The following NCDN variants were observed in gnomAD, a reference collection of about 807,000 sequenced individuals.
NCDN encodes norbin.
In NCDN, 9 loss-of-function variants were observed where a neutral mutation model predicts 60.7. The observed-to-expected ratio is 0.15, with a 90% confidence interval of 0.09 to 0.26. The LOEUF (loss-of-function observed/expected upper bound fraction) is 0.26. Among genes scored for constraint, NCDN ranks in the 10% least tolerant of loss-of-function variants. The pLI, the probability that NCDN is intolerant of heterozygous loss-of-function variation, is 1.00. For synonymous variants in NCDN, 409 were observed against 442.5 expected, an observed-to-expected ratio of 0.92 and a Z score of 0.95; for missense variants, 578 against 975.2, an observed-to-expected ratio of 0.59 and a Z score of 5.42.
rs1488745940 is a variant in NCDN at position 35,565,456 on chromosome 1, C to T, written c.1983C>T (p.Ser661=). The change falls in exon 7 of 7, where the codon TCC becomes TCT. Residue 661 remains serine (S), a synonymous_variant. Transcript: ENST00000373243. This position sits in a 1 kb window ranked among gnomAD's most constrained non-coding sequence, Gnocchi z 8.9. ...GGCTGGCCCCCGCTGCCCTGCGCTC[C>T]CGCTGGCCGCAGGAGCTGCTCCAGC... ...LPWLAPAALR[S]RWPQELLQLL... is the part of the protein sequence containing the mutation. The T allele has an allele frequency of 1.2e-6, 2 of 1,609,410 alleles. No homozygotes were observed. Among genetic ancestry groups the T allele is most frequent in the Admixed American group, 1.7e-5 (1 of 59,278 alleles).
Position 35,563,564 on chromosome 1 carries a change from C to T in NCDN, c.1610+138C>T. The T allele has an allele frequency of 9.3e-7, 1 of 1,079,206 alleles. No individual in the cohort carries two copies. The highest frequency in any genetic ancestry group is 1.3e-6 in the Non-Finnish European group (1 of 746,146). 66.9% of individuals were successfully genotyped at this position (1,079,206 alleles called of 1,614,324 possible). A position where few individuals can be genotyped will look rare whatever the true frequency, so the allele number is the denominator to read the frequency against. On this transcript the variant is annotated intron_variant, in intron 5 of 6. Transcript: ENST00000373243. This position sits in a 1 kb window ranked among gnomAD's most constrained non-coding sequence, Gnocchi z 6.6. ...GGTAGCATGGGGGTCTCAGAGTAGA[C>T]ATAGCCAGCCCCGCACAAGGATTCG... is the stretch of plus-strand genomic sequence containing the variant.
chr1:35,560,916 T>A lies in NCDN; in HGVS notation c.765T>A (p.Pro255=), dbSNP rs754905733. Residue 255 remains proline (P), a synonymous_variant, in exon 3 of 7, where the codon CCT becomes CCA. Coordinates refer to ENST00000373243, the MANE Select transcript of NCDN (RefSeq NM_014284.3). The surrounding 1 kb of genome is among the most constrained non-coding windows in gnomAD (Gnocchi z 7.6). The part of the protein sequence containing the change: ...PLFLPPTTVP[P]ECYRDLQAGL... Reference sequence around the variant, plus strand: ...TTTTGCCCCCGACAACCGTGCCCCCTGAATGCTACCGGGATCTGCAGGCCG... The same window carrying A: ...TTTTGCCCCCGACAACCGTGCCCCCAGAATGCTACCGGGATCTGCAGGCCG... 3.1e-6 allele frequency: 5 copies of A among 1,614,108 alleles called. No individual in the cohort carries two copies. The highest frequency in any genetic ancestry group is 3.4e-6 in the Non-Finnish European group (4 of 1,179,992).
chr1:35,563,636 A>G lies in NCDN; in HGVS notation c.1611-131A>G. ...CTGTCTCAGCATGTCTGCTTGTTCC[A>G]ATCTCTGCCCCCCAGATGCTATGTT... On this transcript the variant is annotated intron_variant, in intron 5 of 6. Coordinates refer to ENST00000373243, the MANE Select transcript of NCDN (RefSeq NM_014284.3). The surrounding 1 kb of genome is among the most constrained non-coding windows in gnomAD (Gnocchi z 6.6). 1.7e-6 allele frequency: 2 copies of G among 1,191,992 alleles called. No homozygotes were observed. Among genetic ancestry groups the G allele is most frequent in the Non-Finnish European group, 2.4e-6 (2 of 838,084 alleles). The allele number at this position is 1,191,992 out of a possible 1,614,324, so 73.8% of individuals were successfully genotyped here. A position where few individuals can be genotyped will look rare whatever the true frequency, so the allele number is the denominator to read the frequency against.
chr1:35,559,021 T>G, intron 1 of NCDN, 86 bp from the exon 2 acceptor site: 4 of 786,278 alleles, frequency 5.1e-6, no homozygotes, highest in South Asian at 1.6e-5. Context: ...TGCTAATCCC[T>G]CCCTCCCTCC....
In NCDN at chr1:35,566,628, ACC is replaced by A. The variant is rs1648885195; in HGVS notation, c.*966_*967del. ...CTACCTTTCTTATAAACCCAGGGGG[ACC>A]ACACACACACACACACACACACACA... On this transcript the variant is annotated 3_prime_UTR_variant, in exon 7 of 7. Coordinates refer to ENST00000373243, the MANE Select transcript of NCDN (RefSeq NM_014284.3). This position sits in a 1 kb window ranked among gnomAD's most constrained non-coding sequence, Gnocchi z 5.3. 1.7e-5 allele frequency: 5 copies of A among 298,880 alleles called. No individual in the cohort carries two copies. The highest frequency in any genetic ancestry group is 6.6e-6 in the Non-Finnish European group (1 of 150,812). The allele number at this position is 298,880 out of a possible 1,614,324, so 18.5% of individuals were successfully genotyped here.
In NCDN at chr1:35,565,531, C is replaced by T; in HGVS notation, c.2058C>T (p.Ala686=). 1 of 1,570,602 alleles carries T rather than the reference C, an allele frequency of 6.4e-7. No individual in the cohort carries two copies. Among genetic ancestry groups the T allele is most frequent in the Non-Finnish European group, 8.6e-7 (1 of 1,158,368 alleles). Reference sequence around the variant, plus strand: ...CTGTCAAGCCCGAGATGGTGGCCGCCTATCAGGGTGTCCTGGTGGAGCTGG... The same window carrying T: ...CTGTCAAGCCCGAGATGGTGGCCGCTTATCAGGGTGTCCTGGTGGAGCTGG... ...PNSVKPEMVA[A]YQGVLVELAR... The change falls in exon 7 of 7, where the codon GCC becomes GCT. Residue 686 remains alanine (A), a synonymous_variant. Coordinates refer to ENST00000373243, the MANE Select transcript of NCDN (RefSeq NM_014284.3). The surrounding 1 kb of genome is among the most constrained non-coding windows in gnomAD (Gnocchi z 8.9).
At chr1:35,559,598 G>C (rs114062899) in intron 2 of NCDN, among the ~76,000 whole-genome samples, 2,394 of 152,240 alleles carry the variant, frequency 0.016, 58 homozygotes, top group African/African-American at 0.054. Flanking sequence ...GAGTAGCAGG[G>C]CTGGAAGTGG....
rs368706575 is a variant in NCDN, at chr1:35,565,878, G to A, written c.*215G>A. On this transcript the variant is annotated 3_prime_UTR_variant, in exon 7 of 7. Transcript: ENST00000373243. The surrounding 1 kb of genome is among the most constrained non-coding windows in gnomAD (Gnocchi z 8.9). The stretch of plus-strand genomic sequence containing the variant: ...TCAGGCCCCCATGGGGGCAGGGATC[G>A]GCTTGGAAATCAACGTGGTTGTCCC... The A allele has an allele frequency of 1.9e-5, 11 of 582,346 alleles. No homozygotes were observed. The highest frequency in any genetic ancestry group is 6.8e-5 in the Admixed American group (2 of 29,268). 36.1% of individuals were successfully genotyped at this position (582,346 alleles called of 1,614,324 possible). A position where few individuals can be genotyped will look rare whatever the true frequency, so the allele number is the denominator to read the frequency against.
intron 2 of NCDN, among the ~76,000 whole-genome samples, chr1:35,559,921 A>G (rs1433571536): frequency 6.6e-6 from 1 of 152,172 alleles, no homozygotes; most frequent in African/African-American, 2.4e-5. Context: ...ATTTCCCCTG[A>G]GAAGGTGGCA....
Position 35,563,154 on chromosome 1 carries a change from C to G in NCDN, c.1386-48C>G. 2.6e-6 allele frequency: 4 copies of G among 1,535,302 alleles called. No homozygotes were observed. Among genetic ancestry groups the G allele is most frequent in the Middle Eastern group, 1.7e-4 (1 of 5,742 alleles). On this transcript the variant is annotated intron_variant, in intron 4 of 6. Coordinates refer to ENST00000373243, the MANE Select transcript of NCDN (RefSeq NM_014284.3). The surrounding 1 kb of genome is among the most constrained non-coding windows in gnomAD (Gnocchi z 6.6). ...TGCCCTAAAAAGGGAATCTATGTGC[C>G]TTCATCTCTCCCAATCCCACACACG...
chr1:35,564,973 T>C (rs1648824924), intron 6 of NCDN, among the ~76,000 whole-genome samples: 1 of 152,124 alleles, frequency 6.6e-6, no homozygotes, highest in Admixed American at 6.5e-5. Context: ...TGTACCAAGA[T>C]GATCACATTT....
Position 35,565,666 on chromosome 1 carries a change from G to T in NCDN, c.*3G>T. ...AGCAGTGCCTGTCAGAGCCCTGAGG[G>T]GTGTCCACCGGGGACAGACCCAGGG... On this transcript the variant is annotated 3_prime_UTR_variant, in exon 7 of 7. Transcript: ENST00000373243. This position sits in a 1 kb window ranked among gnomAD's most constrained non-coding sequence, Gnocchi z 8.9. The T allele has an allele frequency of 6.5e-7, 1 of 1,545,036 alleles. No homozygotes were observed. The highest frequency in any genetic ancestry group is 1.2e-5 in the South Asian group (1 of 84,868).
In NCDN at chr1:35,560,497, A is replaced by T; in HGVS notation, c.346A>T (p.Ser116Cys). The change falls in exon 3 of 7, where the codon AGT becomes TGT. Residue 116 changes from serine to cysteine, a missense_variant. Around this residue, in one of 3 missense-constraint regions of NCDN, gnomAD observed 363 missense variants for 583.6 expected, o/e 0.62. Transcript: ENST00000373243. This position sits in a 1 kb window ranked among gnomAD's most constrained non-coding sequence, Gnocchi z 7.6. ...TGTGGCCCTGCTGGCCTGCTTCTGC[A>T]GTGACCCTGAACTGGCCGCCCATCC... is the stretch of plus-strand genomic sequence containing the variant. ...LGVALLACFCSDPELAAHPQV... is the reference protein window; with the variant it reads ...LGVALLACFCCDPELAAHPQV... The T allele has an allele frequency of 6.2e-7, 1 of 1,613,886 alleles. No homozygotes were observed. The highest frequency in any genetic ancestry group is 8.5e-7 in the Non-Finnish European group (1 of 1,180,006).
Position 35,562,749 on chromosome 1 carries a change from A to T in NCDN, c.1385+116A>T. 1 of 1,369,024 alleles carries T rather than the reference A, an allele frequency of 7.3e-7. No individual in the cohort carries two copies. The highest frequency in any genetic ancestry group is 9.7e-7 in the Non-Finnish European group (1 of 1,025,642). 84.8% of individuals were successfully genotyped at this position (1,369,024 alleles called of 1,614,324 possible). A position where few individuals can be genotyped will look rare whatever the true frequency, so the allele number is the denominator to read the frequency against. On this transcript the variant is annotated intron_variant, in intron 4 of 6. Coordinates refer to ENST00000373243, the MANE Select transcript of NCDN (RefSeq NM_014284.3). This position sits in a 1 kb window ranked among gnomAD's most constrained non-coding sequence, Gnocchi z 6.8. ...AGGCTTCCTGATTGGGCCATGAGAT[A>T]TCCCTTAGGGTTATTTCTGTTTTGG... is the stretch of plus-strand genomic sequence containing the variant.
At position 35,558,394 on chromosome 1, in the gene NCDN, G is replaced by C; in HGVS notation, c.33+171G>C. ...GCTGGTAGCGGGACGGGGAGGGCGA[G>C]AAGAGGGAGCGCAAGGGGTTAATTC... is the stretch of plus-strand genomic sequence containing the variant. On this transcript the variant is annotated intron_variant, in intron 1 of 6. Coordinates refer to ENST00000373243, the MANE Select transcript of NCDN (RefSeq NM_014284.3). This position sits in a 1 kb window ranked among gnomAD's most constrained non-coding sequence, Gnocchi z 6.3. The C allele has an allele frequency of 6.7e-7, 1 of 1,492,246 alleles. No individual in the cohort carries two copies. Among genetic ancestry groups the C allele is most frequent in the Non-Finnish European group, 8.9e-7 (1 of 1,126,244 alleles). 92.4% of individuals were successfully genotyped at this position (1,492,246 alleles called of 1,614,324 possible).
rs577838951 is a variant in NCDN, at chr1:35,561,563, A to G, written c.1143+269A>G. Among the ~76,000 whole-genome samples the G allele has an allele frequency of 6.6e-6, 1 of 151,830 alleles. No homozygotes were observed. The highest frequency in any genetic ancestry group is 1.5e-5 in the Non-Finnish European group (1 of 67,932). On this transcript the variant is annotated intron_variant, in intron 3 of 6. Coordinates refer to ENST00000373243, the MANE Select transcript of NCDN (RefSeq NM_014284.3). This position sits in a 1 kb window ranked among gnomAD's most constrained non-coding sequence, Gnocchi z 4.9. ...CACACAACACAGTAACCTCCCACTCAAACGCTCCCCCCAATACACACACAC... is the reference window on the plus strand; with the variant it reads ...CACACAACACAGTAACCTCCCACTCGAACGCTCCCCCCAATACACACACAC...
At position 35,563,896 on chromosome 1, in the gene NCDN, T is replaced by C; in HGVS notation, c.1740T>C (p.Leu580=). 1.9e-6 allele frequency: 3 copies of C among 1,613,866 alleles called. No individual in the cohort carries two copies. The highest frequency in any genetic ancestry group is 2.5e-6 in the Non-Finnish European group (3 of 1,179,858). The change falls in exon 6 of 7, where the codon CTT becomes CTC. Residue 580 remains leucine (L), a synonymous_variant. Coordinates refer to ENST00000373243, the MANE Select transcript of NCDN (RefSeq NM_014284.3). This position sits in a 1 kb window ranked among gnomAD's most constrained non-coding sequence, Gnocchi z 6.6. ...ATLGLLMARL[L]STSPALQGTP... is the part of the protein sequence containing the mutation. ...TGGGGCTCCTCATGGCCCGGCTCCT[T>C]AGCACCTCTCCAGGTAAGAACTGGG...
chr1:35,557,895 C>T lies in NCDN; in HGVS notation c.-296C>T. On this transcript the variant is annotated 5_prime_UTR_variant, in exon 1 of 7. Coordinates refer to ENST00000373243, the MANE Select transcript of NCDN (RefSeq NM_014284.3). ...GGGGCCGCAGCCTGGTGAGCTCAGC[C>T]CCCTTCGGGCCCTCCCCTGCATCCC... The T allele has an allele frequency of 1.6e-6, 1 of 622,318 alleles. No homozygotes were observed. The highest frequency in any genetic ancestry group is 2.9e-6 in the Non-Finnish European group (1 of 340,116). 38.5% of individuals were successfully genotyped at this position (622,318 alleles called of 1,614,324 possible).
chr1:35,558,014 C>T lies in NCDN; in HGVS notation c.-177C>T, dbSNP rs1648416475. On this transcript the variant is annotated 5_prime_UTR_variant, in exon 1 of 7. Transcript: ENST00000373243. The surrounding 1 kb of genome is among the most constrained non-coding windows in gnomAD (Gnocchi z 6.3). ...CGCGCCATATCGCGACACCATCGTG[C>T]CCTGTCGAGACTCCATTTTGTCACA... 2.2e-6 allele frequency: 2 copies of T among 921,796 alleles called. No homozygotes were observed. Among genetic ancestry groups the T allele is most frequent in the African/African-American group, 3.3e-5 (2 of 59,912 alleles). 57.1% of individuals were successfully genotyped at this position (921,796 alleles called of 1,614,324 possible). A position where few individuals can be genotyped will look rare whatever the true frequency, so the allele number is the denominator to read the frequency against.
Sources: gnomAD v4.1 joint callset for allele counts (sites outside exome capture counted in the v4.1 genomes callset) on GRCh38, gnomAD v4.1.1 for gene constraint, gnomAD v4.1.1 regional missense constraint, Gnocchi (gnomAD v3.1) non-coding constraint, MANE v1.5 for transcripts, NCBI Gene and HGNC (gene_info 2026-07-23, HGNC 2026-07-21) for gene names.